Variants in DNAJC21 observed in about 807,000 individuals in gnomAD.
DNAJC21 encodes dnaJ homolog subfamily C member 21.
A neutral mutation model predicts 72.4 loss-of-function variants in DNAJC21; 63 were observed. That is an observed-to-expected ratio of 0.87 (90% confidence interval 0.71 to 1.07). The LOEUF (loss-of-function observed/expected upper bound fraction) is 1.07. DNAJC21 is among the 50% of genes least tolerant of loss of function. The pLI is 0.00. For missense variants in DNAJC21, 634 were observed against 644.8 expected (o/e 0.98, Z 0.18); for synonymous variants, 203 against 216.7 (o/e 0.94, Z 0.56).
chr5:34,929,873 G>C lies in DNAJC21; in HGVS notation c.54G>C (p.Glu18Asp). The change falls in exon 1 of 12, where the codon GAG becomes GAC. Residue 18 changes from glutamate to aspartate, a missense_variant. Glu to Asp is a conservative substitution (Grantham distance 45). Coordinates refer to ENST00000648817, the MANE Select transcript of DNAJC21 (RefSeq NM_001012339.3). ...LGVRRDASEE[E>D]LKKAYRKLAL... Reference sequence around the variant, plus strand: ...TGCGGCGCGACGCCAGCGAGGAGGAGCTCAAGAAGGCCTATCGGAAGCTGG... The same window carrying C: ...TGCGGCGCGACGCCAGCGAGGAGGACCTCAAGAAGGCCTATCGGAAGCTGG... 1 of 1,584,198 alleles carries C rather than the reference G, an allele frequency of 6.3e-7. No homozygotes were observed. Among genetic ancestry groups the C allele is most frequent in the Non-Finnish European group, 8.6e-7 (1 of 1,166,092 alleles).
chr5:34,945,154 T>G, intron 8 of DNAJC21, 129 bp downstream of exon 8: 2 of 1,097,500 alleles, frequency 1.8e-6, no homozygotes, highest in Non-Finnish European at 2.6e-6. Flanking sequence ...CTCAGCTCAC[T>G]GCAACCTCCA....
At chr5:34,939,414 C>A (rs566053657) in intron 6 of DNAJC21, among the ~76,000 whole-genome samples, 1 of 151,984 alleles carries the variant, frequency 6.6e-6, no homozygotes, top group Admixed American at 6.5e-5. Context: ...TACAGGCGCC[C>A]GCCACCGCGC....
chr5:34,954,651 A>G lies in DNAJC21; in HGVS notation c.1533A>G (p.Ser511=). The G allele has an allele frequency of 6.2e-7, 1 of 1,613,706 alleles. No individual in the cohort carries two copies. Among genetic ancestry groups the G allele is most frequent in the Non-Finnish European group, 8.5e-7 (1 of 1,179,874 alleles). ...LKATGHARAP[S]SSSLNSATSS... ...CCACAGGTCATGCAAGAGCACCTTC[A>G]TCATCGTCTTTAAACAGCGCAACAA... Residue 511 remains serine (S), a synonymous_variant, in exon 12 of 12, where the codon TCA becomes TCG. Transcript: ENST00000648817.
In DNAJC21 at chr5:34,957,236, A is replaced by G. The variant is rs1164449072; in HGVS notation, c.*2522A>G. On this transcript the variant is annotated 3_prime_UTR_variant, in exon 12 of 12. Coordinates refer to ENST00000648817, the MANE Select transcript of DNAJC21 (RefSeq NM_001012339.3). The stretch of plus-strand genomic sequence containing the variant: ...GCATGCATCTTACACTGATCTTATT[A>G]GAGGTCAGTGCTAAGTACCCATCTT... 6.6e-6 allele frequency: 1 copy of G among 152,238 alleles called. No homozygotes were observed. Among genetic ancestry groups the G allele is most frequent in the Non-Finnish European group, 1.5e-5 (1 of 68,030 alleles). The allele number at this position is 152,238 out of a possible 1,614,324, so 9.4% of individuals were successfully genotyped here. A position where few individuals can be genotyped will look rare whatever the true frequency, so the allele number is the denominator to read the frequency against.
At position 34,950,391 on chromosome 5, in the gene DNAJC21, A is replaced by G. The variant is rs765965589; in HGVS notation, c.1358+49A>G. 2.6e-6 allele frequency: 4 copies of G among 1,567,248 alleles called. No individual in the cohort carries two copies. The South Asian group carries it at 4.9e-5, about 19-fold the overall frequency. On this transcript the variant is annotated intron_variant, in intron 10 of 11. Coordinates refer to ENST00000648817, the MANE Select transcript of DNAJC21 (RefSeq NM_001012339.3). ...TGTAAATTACTGAATATTGATAGTA[A>G]GGATGTAGCTTTTCATATATCAAAT...
intron 2 of DNAJC21, 65 bp from the exon 3 acceptor site, chr5:34,935,645 G>A: frequency 6.3e-7 from 1 of 1,595,684 alleles, no homozygotes; most frequent in East Asian, 2.2e-5. Flanking sequence ...TTCAAAAGGA[G>A]CAAGAAATCC....
At chr5:34,932,144 G>T (rs1764619615) in intron 1 of DNAJC21, among the ~76,000 whole-genome samples, 1 of 152,182 alleles carries the variant, frequency 6.6e-6, no homozygotes, top group African/African-American at 2.4e-5. Flanking sequence ...GCTCCGGCCA[G>T]GTGCGGTGAC....
rs914245357 is a variant in DNAJC21 at position 34,936,025 on chromosome 5, G to T, written c.316-119G>T. ...TAGTTGAAATCTAAATGTATTGCAG[G>T]GACTGAACTTTGTCCCAAAATTCTT... On this transcript the variant is annotated intron_variant, in intron 3 of 11. Transcript: ENST00000648817. The T allele has an allele frequency of 2.7e-6, 4 of 1,458,678 alleles. No homozygotes were observed. In the African/African-American group the frequency reaches 5.7e-5, roughly 21 times the overall value. The allele number at this position is 1,458,678 out of a possible 1,614,324, so 90.4% of individuals were successfully genotyped here. A position where few individuals can be genotyped will look rare whatever the true frequency, so the allele number is the denominator to read the frequency against.
intron 10 of DNAJC21, chr5:34,951,233 G>A (rs1295794845): frequency 3.6e-5 from 35 of 985,474 alleles, no homozygotes; most frequent in South Asian, 9.4e-5. Context: ...GAACTTTGGA[G>A]AGTTGAAGCC....
At position 34,929,662 on chromosome 5, in the gene DNAJC21, G is replaced by A. The variant is rs1234036231; in HGVS notation, c.-158G>A. ...GCCTTCACTGACCTACACCACCGCC[G>A]CCGCCGCCGCCGCCGCCGGGCTCGC... is the stretch of plus-strand genomic sequence containing the variant. On this transcript the variant is annotated 5_prime_UTR_variant, in exon 1 of 12. Coordinates refer to ENST00000648817, the MANE Select transcript of DNAJC21 (RefSeq NM_001012339.3). The A allele has an allele frequency of 3.5e-5, 6 of 172,494 alleles. No homozygotes were observed. Among genetic ancestry groups the A allele is most frequent in the Non-Finnish European group, 4.5e-5 (4 of 88,390 alleles). 10.7% of individuals were successfully genotyped at this position (172,494 alleles called of 1,614,324 possible).
intron 11 of DNAJC21, 115 bp from the exon 12 acceptor site, chr5:34,954,438 T>C: frequency 7.8e-7 from 1 of 1,285,652 alleles, no homozygotes; most frequent in East Asian, 2.5e-5. Context: ...CTGTCCACTC[T>C]GTTAAAACAT....
At chr5:34,945,205 G>A (rs1323734653) in intron 8 of DNAJC21, among the ~76,000 whole-genome samples, 180 bp downstream of exon 8, 8 of 152,058 alleles carry the variant, frequency 5.3e-5, no homozygotes. Flanking sequence ...AGCCTCCCAA[G>A]TAGCTGGGAC....
At chr5:34,939,433 T>G (rs1475642893) in intron 6 of DNAJC21, among the ~76,000 whole-genome samples, 1 of 151,340 alleles carries the variant, frequency 6.6e-6, no homozygotes, top group Non-Finnish European at 1.5e-5. Flanking sequence ...GCCCGGCTAA[T>G]TTTTTGTATT....
intron 11 of DNAJC21, 112 bp downstream of exon 11, chr5:34,954,113 A>G: frequency 1.1e-6 from 1 of 912,092 alleles, no homozygotes; most frequent in Non-Finnish European, 1.6e-6. Flanking sequence ...GAGCCTGCAA[A>G]GATGTGGATC....
chr5:34,933,284 A>T (rs1391540986), intron 1 of DNAJC21, among the ~76,000 whole-genome samples: 1 of 151,790 alleles, frequency 6.6e-6, no homozygotes, highest in Non-Finnish European at 1.5e-5. Context: ...CTTTTATTTT[A>T]TTTTATTTTA....
rs141718612 is a variant in DNAJC21 at position 34,935,291 on chromosome 5, T to C, written c.192-419T>C. Among the ~76,000 whole-genome samples the C allele has an allele frequency of 6.9e-4, 105 of 152,340 alleles. 1 individual carries two copies. In the East Asian group the frequency reaches 0.018, roughly 26 times the overall value. On this transcript the variant is annotated intron_variant, in intron 2 of 11. Transcript: ENST00000648817. ...AGCAATTGTGTGTGTGTGAAGCTCCTAGATTAAGTTGACATAAATTTAGGA... is the reference window on the plus strand; with the variant it reads ...AGCAATTGTGTGTGTGTGAAGCTCCCAGATTAAGTTGACATAAATTTAGGA...
intron 10 of DNAJC21, chr5:34,950,560 A>T (rs1678893796): frequency 1.2e-5 from 14 of 1,168,500 alleles, no homozygotes; most frequent in Non-Finnish European, 1.4e-5. Context: ...TCTCAGCAGC[A>T]TGGCCAAAAT....
intron 2 of DNAJC21, among the ~76,000 whole-genome samples, chr5:34,934,232 T>G (rs1368477335): frequency 6.6e-6 from 1 of 151,994 alleles, no homozygotes; most frequent in Non-Finnish European, 1.5e-5. Context: ...AGGTTTTCGT[T>G]TTTTGTTTTT....
intron 7 of DNAJC21, among the ~76,000 whole-genome samples, chr5:34,942,068 T>C (rs914290779): frequency 1.3e-5 from 2 of 152,102 alleles, no homozygotes; most frequent in African/African-American, 4.8e-5. Context: ...TTAAAACACA[T>C]GCACTGTCTC....
Sources: gnomAD v4.1 joint callset for allele counts (sites outside exome capture counted in the v4.1 genomes callset) on GRCh38, gnomAD v4.1.1 for gene constraint, MANE v1.5 for transcripts, NCBI Gene and HGNC (gene_info 2026-07-23, HGNC 2026-07-21) for gene names.